MARK1: variants seen among roughly 807,000 people sequenced by gnomAD.
MARK1 encodes serine/threonine-protein kinase MARK1.
A neutral mutation model predicts 96.3 loss-of-function variants in MARK1; 40 were observed. The ratio of observed to expected loss-of-function variants is 0.42; its 90% CI spans 0.32 to 0.54. The LOEUF (loss-of-function observed/expected upper bound fraction) is 0.54. Among genes scored for constraint, MARK1 ranks in the 20% least tolerant of loss-of-function variants. The pLI, the probability that MARK1 is intolerant of heterozygous loss-of-function variation, is 0.16. For synonymous variants in MARK1, 317 were observed against 341.2 expected (o/e 0.93, Z 0.78); for missense variants, 719 against 984.6 (o/e 0.73, Z 3.61).
chr1:220,641,531 TA>T (rs1480197878), intron 13 of MARK1, among the ~76,000 whole-genome samples: 15 of 152,270 alleles, frequency 9.9e-5, no homozygotes, highest in African/African-American at 2.4e-4. Context: ...CAGTTTATGA[TA>T]TTTTTTTATA....
intron 1 of MARK1, among the ~76,000 whole-genome samples, chr1:220,565,248 A>G (rs1216563423): frequency 6.6e-6 from 1 of 152,184 alleles, no homozygotes; most frequent in African/African-American, 2.4e-5. Context: ...TATAACATGA[A>G]TGATCAGTTT....
intron 1 of MARK1, among the ~76,000 whole-genome samples, chr1:220,568,070 A>G (rs1340140365): frequency 2.0e-5 from 3 of 152,190 alleles, no homozygotes; most frequent in Admixed American, 6.6e-5. Context: ...GCTCAGTAAT[A>G]TAATAGATAT....
intron 9 of MARK1, chr1:220,625,914 C>T: frequency 1.9e-6 from 1 of 525,360 alleles, no homozygotes; most frequent in Non-Finnish European, 3.9e-6. Context: ...CTCACAAACC[C>T]AGTACTGAGG....
chr1:220,544,710 T>C (rs1298407015), intron 1 of MARK1, among the ~76,000 whole-genome samples: 1 of 152,202 alleles, frequency 6.6e-6, no homozygotes, highest in Non-Finnish European at 1.5e-5. Flanking sequence ...GACCACTGTA[T>C]CAGGTTAGTC....
rs1660063372 is a variant in MARK1 at position 220,528,484 on chromosome 1, TAGCGGG to T, written c.-338_-333del. On this transcript the variant is annotated 5_prime_UTR_variant, in exon 1 of 18. An upstream open reading frame in the 5' UTR loses its in-frame stop. Coordinates refer to ENST00000366917, the MANE Select transcript of MARK1 (RefSeq NM_018650.5). ...ACCTTCACCCATGGTCCGGAGAGCC[TAGCGGG>T]GCTCGCCACCGCCTCCCGGCTCCCC... is the stretch of plus-strand genomic sequence containing the variant. 78 of 364,826 alleles carry T rather than the reference TAGCGGG, an allele frequency of 2.1e-4. No individual in the cohort carries two copies. The East Asian group carries it at 4.2e-3, about 20-fold the overall frequency. 22.6% of individuals were successfully genotyped at this position (364,826 alleles called of 1,614,324 possible).
intron 1 of MARK1, among the ~76,000 whole-genome samples, chr1:220,550,687 A>G (rs1401949361): frequency 2.6e-5 from 4 of 152,180 alleles, no homozygotes; most frequent in Non-Finnish European, 5.9e-5. Context: ...TTAAGGAAAG[A>G]TATTTTCATC....
intron 6 of MARK1, 24 bp from the exon 7 acceptor site, chr1:220,615,915 C>A: frequency 1.5e-6 from 2 of 1,361,784 alleles, no homozygotes; most frequent in Non-Finnish European, 2.0e-6. Context: ...TAATTTGACT[C>A]TTTTATCCAA....
intron 3 of MARK1, among the ~76,000 whole-genome samples, chr1:220,581,657 A>G (rs1664248344): frequency 6.6e-6 from 1 of 152,146 alleles, no homozygotes; most frequent in Non-Finnish European, 1.5e-5. Flanking sequence ...TTATTGCTTC[A>G]TTTGCTCTTC....
chr1:220,609,207 G>A (rs576701505), intron 6 of MARK1, among the ~76,000 whole-genome samples: 5 of 152,186 alleles, frequency 3.3e-5, no homozygotes, highest in African/African-American at 1.2e-4. Context: ...TTGTAGGTCT[G>A]TAAGGACTTG....
chr1:220,552,113 C>G (rs1572065585), intron 1 of MARK1, among the ~76,000 whole-genome samples: 2 of 152,288 alleles, frequency 1.3e-5, no homozygotes, highest in Middle Eastern at 3.4e-3. Context: ...ATCAGTCACC[C>G]CAGCCAGTAT....
chr1:220,596,971 T>A (rs1665407061), intron 3 of MARK1, among the ~76,000 whole-genome samples: 1 of 152,212 alleles, frequency 6.6e-6, no homozygotes, highest in Non-Finnish European at 1.5e-5. Context: ...ATACAGTGTT[T>A]GCCCTTTTGT....
intron 17 of MARK1, among the ~76,000 whole-genome samples, chr1:220,659,798 T>C (rs1432854813): frequency 1.3e-5 from 2 of 152,178 alleles, no homozygotes; most frequent in Non-Finnish European, 2.9e-5. Context: ...ACTAATTTTT[T>C]TTTTTCTTCT....
At chr1:220,529,279 C>G (rs575814499) in intron 1 of MARK1, among the ~76,000 whole-genome samples, 11 of 152,184 alleles carry the variant, frequency 7.2e-5, no homozygotes, top group African/African-American at 2.4e-4. Flanking sequence ...CACACTCTTG[C>G]TTTTCTGGAT....
chr1:220,580,700 G>A (rs1664179655), intron 2 of MARK1, among the ~76,000 whole-genome samples: 1 of 152,018 alleles, frequency 6.6e-6, no homozygotes, highest in Admixed American at 6.6e-5. Context: ...CAACATAATT[G>A]TTTTATTCAC....
chr1:220,586,011 A>ACGTG (rs1664590728), intron 3 of MARK1, among the ~76,000 whole-genome samples: 3 of 148,536 alleles, frequency 2.0e-5, no homozygotes, highest in African/African-American at 5.1e-5. Context: ...ACACACACAC[A>ACGTG]CGCGCGCGTG....
At chr1:220,597,341 G>A (rs1665436091) in intron 3 of MARK1, among the ~76,000 whole-genome samples, 1 of 151,654 alleles carries the variant, frequency 6.6e-6, no homozygotes, top group South Asian at 2.1e-4. Context: ...CATCAATACT[G>A]CAGAACTGTT....
chr1:220,618,324 C>G lies in MARK1; in HGVS notation c.567C>G (p.Leu189=), dbSNP rs1666869851. ...TTTCCTCTTAGGCTGAAAACCTTCT[C>G]CTTGATGGTGATATGAATATTAAAA... is the stretch of plus-strand genomic sequence containing the variant. The part of the protein sequence containing the change: ...VHRDLKAENL[L]LDGDMNIKIA... Residue 189 remains leucine (L), a synonymous_variant, in exon 8 of 18, where the codon CTC becomes CTG. Coordinates refer to ENST00000366917, the MANE Select transcript of MARK1 (RefSeq NM_018650.5). This position sits in a 1 kb window ranked among gnomAD's most constrained non-coding sequence, Gnocchi z 4.6. The G allele has an allele frequency of 3.1e-5, 50 of 1,607,254 alleles. No individual in the cohort carries two copies. Among genetic ancestry groups the G allele is most frequent in the Non-Finnish European group, 4.1e-5 (48 of 1,173,886 alleles).
chr1:220,626,616 G>T (rs933002918), intron 9 of MARK1: 1 of 365,556 alleles, frequency 2.7e-6, no homozygotes, highest in Non-Finnish European at 5.4e-6. Context: ...GAGGTCAGAA[G>T]TTTGACACCA....
intron 1 of MARK1, among the ~76,000 whole-genome samples, chr1:220,569,196 G>A (rs1317536781): frequency 6.6e-6 from 1 of 152,022 alleles, no homozygotes; most frequent in Non-Finnish European, 1.5e-5. Context: ...TGAAATATCT[G>A]TATACATCCT....
Sources: gnomAD v4.1 joint callset for allele counts (sites outside exome capture counted in the v4.1 genomes callset) on GRCh38, gnomAD v4.1.1 for gene constraint, Gnocchi (gnomAD v3.1) non-coding constraint, MANE v1.5 for transcripts, NCBI Gene and HGNC (gene_info 2026-07-23, HGNC 2026-07-21) for gene names.